Variants in CMSS1 observed in about 807,000 individuals in gnomAD.
CMSS1 encodes protein CMSS1.
CMSS1 carries 33 observed loss-of-function variants against 43.5 expected under a neutral mutation model. The observed-to-expected ratio is 0.76, with a 90% CI of 0.57 to 1.01. The LOEUF is 1.01. CMSS1 is among the 50% of genes least tolerant of loss of function. CMSS1 has a pLI of 0.00. For missense variants in CMSS1, 313 were observed against 326.4 expected, an observed-to-expected ratio of 0.96 and a Z score of 0.32; for synonymous variants, 115 against 117.2, an observed-to-expected ratio of 0.98 and a Z score of 0.12.
chr3:100,117,825 GTATATATA>G (rs1166983737), intron 1 of CMSS1, among the ~76,000 whole-genome samples: 5 of 75,140 alleles, frequency 6.7e-5, no homozygotes, highest in East Asian at 4.3e-4. Context: ...ATAAACTGCA[GTATATATA>G]TATATATATA....
intron 1 of CMSS1, among the ~76,000 whole-genome samples, chr3:99,969,606 A>G (rs977558871): frequency 2.4e-4 from 36 of 152,200 alleles, no homozygotes; most frequent in African/African-American, 7.2e-4. Context: ...AGGTCAAGGA[A>G]CTATGGTTTT....
intron 1 of CMSS1, among the ~76,000 whole-genome samples, chr3:100,108,799 G>C (rs888738994): frequency 3.3e-5 from 5 of 152,152 alleles, no homozygotes. Context: ...TACACCTCAT[G>C]CTCAGCACAG....
At chr3:99,970,045 A>G (rs769580517) in intron 1 of CMSS1, among the ~76,000 whole-genome samples, 2 of 152,226 alleles carry the variant, frequency 1.3e-5, no homozygotes, top group Non-Finnish European at 2.9e-5. Flanking sequence ...TTGGCTTAAA[A>G]TTTGGATAAG....
chr3:100,041,269 A>G (rs2065200645), intron 1 of CMSS1: 1 of 152,178 alleles, frequency 6.6e-6, no homozygotes, highest in Non-Finnish European at 1.5e-5. Context: ...ATGGCTTTTT[A>G]TGGCTGGTTT....
At chr3:99,823,436 A>G (rs1039855496) in intron 1 of CMSS1, among the ~76,000 whole-genome samples, 1 of 152,112 alleles carries the variant, frequency 6.6e-6, no homozygotes, top group African/African-American at 2.4e-5. Context: ...CAACTACCCA[A>G]TTTCACAAAG....
At chr3:99,938,750 C>T (rs1707768853) in intron 1 of CMSS1, among the ~76,000 whole-genome samples, 1 of 152,008 alleles carries the variant, frequency 6.6e-6, no homozygotes, top group Admixed American at 6.5e-5. Flanking sequence ...ATGTTAATAG[C>T]GCTCAGTTGC....
In CMSS1 at chr3:100,181,125, C is replaced by T. The variant is rs950447050; in HGVS notation, c.*2737C>T. 1.3e-5 allele frequency: 2 copies of T among 152,196 alleles called. No individual in the cohort carries two copies. The highest frequency in any genetic ancestry group is 2.9e-5 in the Non-Finnish European group (2 of 68,042). 9.4% of individuals were successfully genotyped at this position (152,196 alleles called of 1,614,324 possible). ...ATCTGCCCCCATGATCTAATCACCT[C>T]CCACCAGATCCCTCCCCCAACACTG... On this transcript the variant is annotated 3_prime_UTR_variant, in exon 10 of 10. Transcript: ENST00000421999.
chr3:99,996,230 A>G (rs1356987276), intron 1 of CMSS1, among the ~76,000 whole-genome samples: 3 of 152,166 alleles, frequency 2.0e-5, no homozygotes, highest in Admixed American at 6.5e-5. Flanking sequence ...AAGTTTCACA[A>G]ATCTCTAGGG....
At chr3:99,979,976 G>T (rs1035111591) in intron 1 of CMSS1, among the ~76,000 whole-genome samples, 1 of 151,848 alleles carries the variant, frequency 6.6e-6, no homozygotes, top group Non-Finnish European at 1.5e-5. Context: ...GAAGGAGGTG[G>T]TATGTAAGTT....
At chr3:99,931,962 C>T (rs183543521) in intron 1 of CMSS1, among the ~76,000 whole-genome samples, 1 of 152,284 alleles carries the variant, frequency 6.6e-6, no homozygotes, top group Admixed American at 6.5e-5. Flanking sequence ...AATCATGAAA[C>T]TTTCATCATC....
chr3:100,086,403 T>C (rs1374264892), intron 1 of CMSS1, among the ~76,000 whole-genome samples: 1 of 152,070 alleles, frequency 6.6e-6, no homozygotes, highest in Non-Finnish European at 1.5e-5. Context: ...CCCCTCTAGT[T>C]CTAATACCAT....
chr3:100,108,744 C>T (rs574477029), intron 1 of CMSS1, among the ~76,000 whole-genome samples: 1 of 152,248 alleles, frequency 6.6e-6, no homozygotes, highest in African/African-American at 2.4e-5. Flanking sequence ...AGCAAATGAA[C>T]AAATGTATGC....
At chr3:99,971,797 C>T (rs577254029) in intron 1 of CMSS1, among the ~76,000 whole-genome samples, 1 of 152,280 alleles carries the variant, frequency 6.6e-6, no homozygotes, top group African/African-American at 2.4e-5. Flanking sequence ...TAAAAGAGAA[C>T]AGAGTCGGTT....
At chr3:100,042,766 A>G (rs1186907445) in intron 1 of CMSS1, among the ~76,000 whole-genome samples, 2 of 152,146 alleles carry the variant, frequency 1.3e-5, no homozygotes, top group Non-Finnish European at 2.9e-5. Flanking sequence ...CTTCCACACA[A>G]AGGGACAACA....
chr3:99,908,823 G>A (rs545633224), intron 1 of CMSS1, among the ~76,000 whole-genome samples: 2 of 151,786 alleles, frequency 1.3e-5, no homozygotes, highest in South Asian at 2.1e-4. Flanking sequence ...TGTATTTTTT[G>A]TATAGAATAT....
At position 100,178,341 on chromosome 3, in the gene CMSS1, G is replaced by A; in HGVS notation, c.793G>A (p.Val265Met). Residue 265 changes from valine to methionine, a missense_variant, in exon 10 of 10, where the codon GTG (valine) becomes ATG (methionine). Val to Met is a conservative substitution (Grantham distance 21). Coordinates refer to ENST00000421999, the MANE Select transcript of CMSS1 (RefSeq NM_032359.4). ...GGTATTCGAACTTCTGGAAATGGGA[G>A]TGCTCAGTCTGTGCAAGTCAGAATC... ...KEVFELLEMG[V>M]LSLCKSESLK... 6.2e-7 allele frequency: 1 copy of A among 1,613,240 alleles called. No homozygotes were observed. The highest frequency in any genetic ancestry group is 1.3e-5 in the African/African-American group (1 of 75,012).
intron 1 of CMSS1, among the ~76,000 whole-genome samples, chr3:99,947,064 G>A (rs968786830): frequency 2.7e-5 from 4 of 148,380 alleles, no homozygotes; most frequent in South Asian, 4.3e-4. Flanking sequence ...CTTGCAGCTG[G>A]GAGGTAGAGG....
chr3:100,026,049 A>G (rs1333118241), intron 1 of CMSS1, among the ~76,000 whole-genome samples: 2 of 152,138 alleles, frequency 1.3e-5, no homozygotes, highest in African/African-American at 2.4e-5. Context: ...ATTTAGACTT[A>G]ATGAAATCAG....
chr3:100,138,200 A>G (rs913794277), intron 1 of CMSS1, among the ~76,000 whole-genome samples: 2 of 152,248 alleles, frequency 1.3e-5, no homozygotes, highest in African/African-American at 4.8e-5. Flanking sequence ...CTCAAGATAG[A>G]TTAATGTCTT....
Sources: allele counts gnomAD v4.1 joint callset (sites outside exome capture counted in the v4.1 genomes callset), GRCh38; gene constraint gnomAD v4.1.1; transcripts MANE v1.5; gene names NCBI Gene and HGNC (gene_info 2026-07-23, HGNC 2026-07-21).